ADGRB1: variants seen among roughly 807,000 people sequenced by gnomAD.
ADGRB1 encodes adhesion G protein-coupled receptor B1.
In ADGRB1, 36 loss-of-function variants were observed where a neutral mutation model predicts 175.7. The observed-to-expected ratio is 0.20, with a 90% CI of 0.16 to 0.27. The LOEUF (loss-of-function observed/expected upper bound fraction) is 0.27. Ranked by LOEUF, ADGRB1 falls within the 10% of genes least tolerant of loss-of-function variation. The pLI, the probability that ADGRB1 is intolerant of heterozygous loss-of-function variation, is 1.00. For synonymous variants in ADGRB1, 1,054 were observed against 979.4 expected, an observed-to-expected ratio of 1.08 and a Z score of -1.42; for missense variants, 1,731 against 2,255.3, an observed-to-expected ratio of 0.77 and a Z score of 4.71.
intron 30 of ADGRB1, 22 bp from the exon 31 acceptor site, chr8:142,544,198 T>G: frequency 6.5e-7 from 1 of 1,546,982 alleles, no homozygotes; most frequent in Non-Finnish European, 8.7e-7. Context: ...CCACCCCTCC[T>G]GCACCACGGG....
chr8:142,485,591 A>G (rs532354618), intron 13 of ADGRB1, among the ~76,000 whole-genome samples: 42 of 152,266 alleles, frequency 2.8e-4, no homozygotes, highest in Admixed American at 4.6e-4. Context: ...GGGATGCTTC[A>G]CCTTTAGTGA....
chr8:142,479,088 G>A, intron 7 of ADGRB1: 1 of 439,914 alleles, frequency 2.3e-6, no homozygotes. Context: ...GTGGAGGGTG[G>A]TGGGGTTGGC....
intron 23 of ADGRB1, among the ~76,000 whole-genome samples, chr8:142,524,632 G>T (rs1587411198): frequency 6.6e-6 from 1 of 152,214 alleles, no homozygotes; most frequent in Non-Finnish European, 1.5e-5. Flanking sequence ...GGGATGGACG[G>T]ATGATGCGAG....
chr8:142,520,399 ATG>A (rs1843737366), intron 19 of ADGRB1, among the ~76,000 whole-genome samples: 1 of 2,824 alleles, frequency 3.5e-4, no homozygotes, highest in Non-Finnish European at 7.8e-4. Flanking sequence ...AGTGATTGTG[ATG>A]TTGGTAATGG....
At chr8:142,479,600 A>T (rs1841218016) in intron 8 of ADGRB1, 93 bp from the exon 9 acceptor site, 19 of 1,544,858 alleles carry the variant, frequency 1.2e-5, no homozygotes, top group Non-Finnish European at 1.7e-5. Flanking sequence ...CTGTCCTCAT[A>T]ATGATGCCTG....
intron 19 of ADGRB1, among the ~76,000 whole-genome samples, chr8:142,519,609 A>ATGGTGGTGGTGATGGTGGTGG (rs1843648153): frequency 8.8e-6 from 1 of 113,354 alleles, no homozygotes; most frequent in East Asian, 2.8e-4. Context: ...GATGGTAGTG[A>ATGGTGGTGGTGATGGTGGTGG]TGGTGGTGGT....
At chr8:142,530,271 G>A (rs1019111787) in intron 24 of ADGRB1, among the ~76,000 whole-genome samples, 1 of 152,096 alleles carries the variant, frequency 6.6e-6, no homozygotes, top group South Asian at 2.1e-4. Context: ...AGAGCAGGAG[G>A]CAGCCAGGGC....
At chr8:142,458,923 C>T (rs1011256999) in intron 1 of ADGRB1, among the ~76,000 whole-genome samples, 5 of 152,314 alleles carry the variant, frequency 3.3e-5, no homozygotes, top group Admixed American at 6.5e-5. Context: ...GCCTGTGGTT[C>T]GGGGACCAAG....
At chr8:142,490,941 A>T in intron 17 of ADGRB1, 126 bp downstream of exon 17, 1 of 1,266,708 alleles carries the variant, frequency 7.9e-7, no homozygotes, top group East Asian at 2.6e-5. Flanking sequence ...GTGTACCCGC[A>T]TGGGCCTCCG....
At chr8:142,535,035 A>T (rs1844846363) in intron 25 of ADGRB1, among the ~76,000 whole-genome samples, 1 of 152,198 alleles carries the variant, frequency 6.6e-6, no homozygotes, top group Admixed American at 6.5e-5. Flanking sequence ...CAAGAACAGT[A>T]GCCTATGAAA....
intron 25 of ADGRB1, 63 bp downstream of exon 25, chr8:142,533,529 C>T: frequency 6.7e-7 from 1 of 1,496,872 alleles, no homozygotes; most frequent in Non-Finnish European, 9.0e-7. Context: ...CGAGTGGCCT[C>T]CTCCTTCCCC....
chr8:142,489,105 G>A lies in ADGRB1; in HGVS notation c.2523G>A (p.Leu841=), dbSNP rs1353069239. The A allele has an allele frequency of 3.1e-6, 5 of 1,605,580 alleles. No homozygotes were observed. Among genetic ancestry groups the A allele is most frequent in the African/African-American group, 1.3e-5 (1 of 74,868 alleles). Residue 841 remains leucine (L), a synonymous_variant, in exon 15 of 31, where the codon CTG becomes CTA. Coordinates refer to ENST00000517894, the MANE Select transcript of ADGRB1 (RefSeq NM_001702.3). ...GGAACCTGGGCAGCTTCCTGGCCCT[G>A]CAGAGGTGGGGAGCCCTGGGCAGGT... The part of the protein sequence containing the change: ...LYRNLGSFLA[L]QRNTTVLNSK...
rs1489175762 is a variant in ADGRB1, at chr8:142,492,355, G to A, written c.2675+1540G>A. 6.6e-6 allele frequency among the ~76,000 whole-genome samples: 1 copy of A among 152,134 alleles called. No homozygotes were observed. Among genetic ancestry groups the A allele is most frequent in the African/African-American group, 2.4e-5 (1 of 41,432 alleles). ...TTAGCCTCCTCTCCCCAGTGAGGAG[G>A]GATGGGGAACAGGGACAGACGGAGC... On this transcript the variant is annotated intron_variant, in intron 17 of 30. Coordinates refer to ENST00000517894, the MANE Select transcript of ADGRB1 (RefSeq NM_001702.3). This position sits in a 1 kb window ranked among gnomAD's most constrained non-coding sequence, Gnocchi z 4.4.
intron 1 of ADGRB1, among the ~76,000 whole-genome samples, chr8:142,454,452 C>T (rs1304838011): frequency 7.2e-5 from 11 of 152,178 alleles, no homozygotes; most frequent in South Asian, 2.1e-4. Context: ...CGGGTGCACA[C>T]GGCACCCCCG....
chr8:142,523,849 C>T (rs1844016484), intron 22 of ADGRB1, among the ~76,000 whole-genome samples: 1 of 151,970 alleles, frequency 6.6e-6, no homozygotes, highest in East Asian at 1.9e-4. Flanking sequence ...GGCCTGAGCC[C>T]CAGCATTCAA....
intron 12 of ADGRB1, 48 bp downstream of exon 12, chr8:142,484,093 C>A: frequency 6.5e-7 from 1 of 1,547,812 alleles, no homozygotes; most frequent in Non-Finnish European, 8.8e-7. Flanking sequence ...GGGGTGCAGG[C>A]ACAGCTGGTG....
intron 17 of ADGRB1, among the ~76,000 whole-genome samples, chr8:142,509,088 C>CGCCA (rs1325913512): frequency 1.3e-5 from 2 of 152,250 alleles, no homozygotes; most frequent in Non-Finnish European, 2.9e-5. Flanking sequence ...GGGTCTCCCC[C>CGCCA]GCCAGCCAGC....
chr8:142,485,383 CAG>C (rs1587317301), intron 13 of ADGRB1, among the ~76,000 whole-genome samples: 1 of 152,236 alleles, frequency 6.6e-6, no homozygotes, highest in Admixed American at 6.5e-5. Context: ...CTGCCTTGAT[CAG>C]AGAGTCTCTC....
At chr8:142,536,301 C>T (rs1210355323) in intron 25 of ADGRB1, among the ~76,000 whole-genome samples, 12 of 152,072 alleles carry the variant, frequency 7.9e-5, no homozygotes, top group Non-Finnish European at 5.9e-5. Context: ...TGGCTGCTGG[C>T]CCCACGGGAG....
Sources: gnomAD v4.1 joint callset for allele counts (sites outside exome capture counted in the v4.1 genomes callset) on GRCh38, gnomAD v4.1.1 for gene constraint, Gnocchi (gnomAD v3.1) non-coding constraint, MANE v1.5 for transcripts, NCBI Gene and HGNC (gene_info 2026-07-23, HGNC 2026-07-21) for gene names.